Variants in GNAQ observed in about 807,000 individuals in gnomAD.
The protein encoded by GNAQ is G protein subunit alpha q.
A neutral mutation model predicts 43.9 loss-of-function variants in GNAQ; 8 were observed. That is an observed-to-expected ratio of 0.18 (90% CI 0.11 to 0.33). The LOEUF is 0.33. Ranked by LOEUF, GNAQ falls within the 10% of genes least tolerant of loss-of-function variation. The probability of loss-of-function intolerance (pLI) is 1.00; values close to 1 mark genes in which losing one functional copy is unlikely to be tolerated. For synonymous variants in GNAQ, 155 were observed against 170.7 expected (o/e 0.91, Z 0.71); for missense variants, 158 against 450.8 (o/e 0.35, Z 5.88).
chr9:77,963,559 G>T lies in GNAQ; in HGVS notation c.137-41214C>A, dbSNP rs191997364. ...ATCCTGAAAAAAAAGCACAATCAAAGCAATGGCTACGAAGAGGTGGAAGTC... is the reference window on the plus strand; with the variant it reads ...ATCCTGAAAAAAAAGCACAATCAAATCAATGGCTACGAAGAGGTGGAAGTC... On this transcript the variant is annotated intron_variant, in intron 1 of 6. Coordinates refer to ENST00000286548, the MANE Select transcript of GNAQ (RefSeq NM_002072.5). Among the ~76,000 whole-genome samples the T allele has an allele frequency of 5.7e-3, 860 of 152,144 alleles. 2 individuals are homozygous for T. The highest frequency in any genetic ancestry group is 0.048 in the Middle Eastern group (14 of 294).
chr9:77,975,083 C>A (rs938678417), intron 1 of GNAQ, among the ~76,000 whole-genome samples: 3 of 152,148 alleles, frequency 2.0e-5, no homozygotes, highest in African/African-American at 4.8e-5. Context: ...ACCTAGTTAG[C>A]CAAAATACAA....
intron 1 of GNAQ, among the ~76,000 whole-genome samples, chr9:77,938,336 G>C (rs1033883161): frequency 6.6e-5 from 10 of 152,076 alleles, no homozygotes; most frequent in Non-Finnish European, 1.5e-4. Flanking sequence ...CTTTCTCTAT[G>C]TAACACATGA....
At chr9:77,923,436 T>C (rs17725035) in intron 1 of GNAQ, among the ~76,000 whole-genome samples, 8,385 of 152,262 alleles carry the variant, frequency 0.055, 260 homozygotes, top group Non-Finnish European at 0.057. Flanking sequence ...AACAGAGCTA[T>C]ATATGTCCCT....
chr9:77,855,593 A>G (rs1827741351), intron 2 of GNAQ, among the ~76,000 whole-genome samples: 1 of 152,132 alleles, frequency 6.6e-6, no homozygotes, highest in African/African-American at 2.4e-5. Flanking sequence ...TGGAATAAAA[A>G]CCCCGTAATT....
At chr9:77,854,249 T>C (rs1396378644) in intron 2 of GNAQ, among the ~76,000 whole-genome samples, 4 of 152,180 alleles carry the variant, frequency 2.6e-5, no homozygotes, top group African/African-American at 9.7e-5. Context: ...AAAGATACAA[T>C]GGCTAAAGAA....
intron 1 of GNAQ, among the ~76,000 whole-genome samples, chr9:77,994,698 T>C (rs1211497114): frequency 6.6e-6 from 1 of 152,220 alleles, no homozygotes; most frequent in Admixed American, 6.5e-5. Context: ...CTGAGTTACT[T>C]CTATGTTTTG....
intron 5 of GNAQ, among the ~76,000 whole-genome samples, chr9:77,736,715 G>T (rs1470379866): frequency 6.6e-6 from 1 of 152,056 alleles, no homozygotes; most frequent in Non-Finnish European, 1.5e-5. Flanking sequence ...AAGACAGAAT[G>T]AGAGACTGGG....
intron 2 of GNAQ, among the ~76,000 whole-genome samples, chr9:77,918,604 A>C (rs932669750): frequency 6.6e-6 from 1 of 152,192 alleles, no homozygotes; most frequent in South Asian, 2.1e-4. Flanking sequence ...GAAACATCCT[A>C]AACCATTTTC....
At chr9:77,964,131 TAACA>T (rs145587336) in intron 1 of GNAQ, among the ~76,000 whole-genome samples, 3,097 of 152,226 alleles carry the variant, frequency 0.02, 41 homozygotes, top group Middle Eastern at 0.048. Flanking sequence ...CTCATATTAA[TAACA>T]GACACAGATT....
intron 1 of GNAQ, among the ~76,000 whole-genome samples, chr9:77,932,325 G>T (rs555261695): frequency 1.3e-5 from 2 of 152,296 alleles, no homozygotes; most frequent in South Asian, 4.1e-4. Flanking sequence ...TATCAAGGAT[G>T]CAGGACACAG....
At chr9:77,729,971 T>A (rs1825462989) in intron 5 of GNAQ, among the ~76,000 whole-genome samples, 1 of 152,208 alleles carries the variant, frequency 6.6e-6, no homozygotes. Context: ...TGCTGGGAAC[T>A]CTGGAACAGA....
intron 2 of GNAQ, among the ~76,000 whole-genome samples, chr9:77,845,436 T>C (rs1156282911): frequency 1.3e-5 from 2 of 152,328 alleles, no homozygotes; most frequent in African/African-American, 4.8e-5. Context: ...AAATGTAGGT[T>C]ACATTGGTAA....
intron 2 of GNAQ, among the ~76,000 whole-genome samples, chr9:77,823,162 A>G (rs1246885402): frequency 6.6e-6 from 1 of 152,086 alleles, no homozygotes; most frequent in East Asian, 1.9e-4. Flanking sequence ...GATGGTCTCA[A>G]TCTCCTGACC....
At chr9:77,809,197 C>A (rs186393097) in intron 3 of GNAQ, among the ~76,000 whole-genome samples, 1 of 152,162 alleles carries the variant, frequency 6.6e-6, no homozygotes. Flanking sequence ...ATGTTCTTTA[C>A]GGGCTCCGGA....
rs1829009245 is a variant in GNAQ at position 77,922,214 on chromosome 9, T to C, written c.268A>G (p.Met90Val). ...TTGAGTGTGTCCATGGCTCTGATCA[T>C]GGCCTGCATGGCCGTGAAGATGTTC... ...YQNIFTAMQAMIRAMDTLKIP... is the reference protein window; with the variant it reads ...YQNIFTAMQAVIRAMDTLKIP... The change falls in exon 2 of 7, where the codon ATG becomes GTG. Residue 90 changes from methionine to valine, a missense_variant. Around this residue, in one of 9 missense-constraint regions of GNAQ, gnomAD observed 57 missense variants for 78.2 expected, o/e 0.73. Coordinates refer to ENST00000286548, the MANE Select transcript of GNAQ (RefSeq NM_002072.5). 6.2e-7 allele frequency: 1 copy of C among 1,613,570 alleles called. No individual in the cohort carries two copies.
At chr9:78,008,300 A>G (rs1360703640) in intron 1 of GNAQ, among the ~76,000 whole-genome samples, 1 of 152,204 alleles carries the variant, frequency 6.6e-6, no homozygotes, top group African/African-American at 2.4e-5. Context: ...GAATCATCAT[A>G]CATCTGCTGT....
chr9:78,000,581 T>C (rs1049876644), intron 1 of GNAQ, among the ~76,000 whole-genome samples: 1 of 152,198 alleles, frequency 6.6e-6, no homozygotes, highest in Admixed American at 6.5e-5. Flanking sequence ...TTATAATGTG[T>C]CACCTTGCTG....
intron 1 of GNAQ, among the ~76,000 whole-genome samples, chr9:77,940,531 A>G (rs1312276372): frequency 2.0e-5 from 3 of 152,192 alleles, no homozygotes; most frequent in Non-Finnish European, 4.4e-5. Context: ...GTGAGCAGAG[A>G]TCACACCACT....
At chr9:77,919,500 G>C (rs1327539912) in intron 2 of GNAQ, among the ~76,000 whole-genome samples, 1 of 152,128 alleles carries the variant, frequency 6.6e-6, no homozygotes, top group Non-Finnish European at 1.5e-5. Context: ...CTCGGAAGAA[G>C]AGGCAGCTGA....
Sources: allele counts gnomAD v4.1 joint callset (sites outside exome capture counted in the v4.1 genomes callset), GRCh38; gene constraint gnomAD v4.1.1; regional missense constraint gnomAD v4.1.1; transcripts MANE v1.5; gene names NCBI Gene and HGNC (gene_info 2026-07-23, HGNC 2026-07-21).